Variants in DPP10 observed in about 807,000 individuals in gnomAD.
The protein encoded by DPP10 is dipeptidyl peptidase like 10, also known as inactive dipeptidyl peptidase 10.
Under a neutral mutation model 120.9 loss-of-function variants are expected in DPP10, and 33 were observed. The observed-to-expected ratio is 0.27, with a 90% CI of 0.21 to 0.37. The LOEUF is 0.37. DPP10 is among the 10% of genes least tolerant of loss of function. The pLI, the probability that DPP10 is intolerant of heterozygous loss-of-function variation, is 1.00. For missense variants in DPP10, 816 were observed against 942.8 expected (o/e 0.87, Z 1.76); for synonymous variants, 337 against 326.1 (o/e 1.03, Z -0.36).
At chr2:115,353,429 A>G (rs1559472144) in intron 3 of DPP10, among the ~76,000 whole-genome samples, 1 of 152,154 alleles carries the variant, frequency 6.6e-6, no homozygotes, top group Non-Finnish European at 1.5e-5. Flanking sequence ...ATATTTGATC[A>G]TTTTACTGTA....
chr2:114,717,709 CA>C (rs952050479), intron 1 of DPP10, among the ~76,000 whole-genome samples: 1 of 152,134 alleles, frequency 6.6e-6, no homozygotes, highest in Non-Finnish European at 1.5e-5. Flanking sequence ...ACCTCCCCAC[CA>C]GTACCTCCCT....
intron 5 of DPP10, among the ~76,000 whole-genome samples, chr2:115,619,578 G>C (rs892107047): frequency 1.3e-5 from 2 of 152,076 alleles, no homozygotes; most frequent in African/African-American, 2.4e-5. Flanking sequence ...AGGCCAAGTG[G>C]TTCCCAGCAT....
At chr2:115,372,973 G>T (rs374923799) in intron 3 of DPP10, among the ~76,000 whole-genome samples, 51 of 152,292 alleles carry the variant, frequency 3.3e-4, no homozygotes, top group African/African-American at 1.2e-3. Context: ...TGTTGATGCT[G>T]TCAAGTTATT....
chr2:114,676,865 G>A lies in DPP10; in HGVS notation c.60+234027G>A, dbSNP rs191409861. ...GAGCCCTTATAACTTCCCCATAATT[G>A]AATTCAATTGAAAAATATATTTAAC... On this transcript the variant is annotated intron_variant, in intron 1 of 25. Transcript: ENST00000410059. Among the ~76,000 whole-genome samples, 29 of 151,968 alleles carry A rather than the reference G, an allele frequency of 1.9e-4. No homozygotes were observed. The East Asian group carries it at 5.2e-3, about 27-fold the overall frequency.
chr2:115,056,368 G>A (rs1161876812), intron 1 of DPP10, among the ~76,000 whole-genome samples: 2 of 152,048 alleles, frequency 1.3e-5, no homozygotes, highest in African/African-American at 4.8e-5. Context: ...GTTCTGAATA[G>A]CTTTTTTTTC....
At chr2:115,291,187 G>A (rs1415472081) in intron 1 of DPP10, among the ~76,000 whole-genome samples, 1 of 151,878 alleles carries the variant, frequency 6.6e-6, no homozygotes, top group Admixed American at 6.6e-5. Context: ...ATTTTTTGTA[G>A]AGACAGAGAT....
Position 115,374,550 on chromosome 2 carries a change from G to A in DPP10, c.271+30638G>A, listed in dbSNP as rs193138605. ...AGCTCCACCAGGCAGTGCCCCAGTG[G>A]AGACTGTATGGGTGTTCCAGCCTCA... On this transcript the variant is annotated intron_variant, in intron 3 of 25. Coordinates refer to ENST00000410059, the MANE Select transcript of DPP10 (RefSeq NM_020868.6). Among the ~76,000 whole-genome samples, 337 of 152,342 alleles carry A rather than the reference G, an allele frequency of 2.2e-3. 1 individual carries two copies. The highest frequency in any genetic ancestry group is 7.9e-3 in the South Asian group (38 of 4,830).
chr2:115,382,979 G>C (rs1167925154), intron 3 of DPP10, among the ~76,000 whole-genome samples: 2 of 152,148 alleles, frequency 1.3e-5, no homozygotes, highest in Non-Finnish European at 2.9e-5. Context: ...TTCTGCACAG[G>C]GGGTGCCATA....
At chr2:115,587,482 TGTGTCAGG>T (rs2082371170) in intron 5 of DPP10, among the ~76,000 whole-genome samples, 1 of 152,234 alleles carries the variant, frequency 6.6e-6, no homozygotes, top group African/African-American at 2.4e-5. Context: ...TTTGTCTTTT[TGTGTCAGG>T]CTTATTTCAT....
intron 19 of DPP10, among the ~76,000 whole-genome samples, chr2:115,801,112 G>A (rs1685180537): frequency 6.6e-6 from 1 of 151,848 alleles, no homozygotes; most frequent in African/African-American, 2.4e-5. Context: ...TTATTTCCTT[G>A]AGCAGTGGTT....
intron 5 of DPP10, among the ~76,000 whole-genome samples, chr2:115,643,148 A>G (rs1048918568): frequency 7.2e-5 from 11 of 152,108 alleles, no homozygotes; most frequent in Admixed American, 6.6e-5. Flanking sequence ...AAAAATGCGT[A>G]AGAAGAGCAA....
At chr2:114,897,345 G>A (rs35079637) in intron 1 of DPP10, among the ~76,000 whole-genome samples, 86,201 of 151,882 alleles carry the variant, frequency 0.57, 24,850 homozygotes, top group East Asian at 0.7. Context: ...GGTAGAATTC[G>A]GCTGTGAATC....
intron 5 of DPP10, among the ~76,000 whole-genome samples, chr2:115,666,708 G>A (rs1005203117): frequency 6.6e-6 from 1 of 152,136 alleles, no homozygotes; most frequent in Admixed American, 6.6e-5. Flanking sequence ...GAATAGTGTT[G>A]TGATGAACAG....
chr2:114,871,685 A>G (rs1470899383), intron 1 of DPP10, among the ~76,000 whole-genome samples: 1 of 152,156 alleles, frequency 6.6e-6, no homozygotes, highest in Non-Finnish European at 1.5e-5. Flanking sequence ...TTAGGTTTGG[A>G]AAACTACAAA....
chr2:114,655,425 A>G (rs1696896401), intron 1 of DPP10, among the ~76,000 whole-genome samples: 1 of 152,204 alleles, frequency 6.6e-6, no homozygotes, highest in Non-Finnish European at 1.5e-5. Flanking sequence ...AGCATGAAAG[A>G]GGCAGTTAAG....
chr2:115,380,696 G>C (rs1230722746), intron 3 of DPP10, among the ~76,000 whole-genome samples: 1 of 152,048 alleles, frequency 6.6e-6, no homozygotes, highest in African/African-American at 2.4e-5. Context: ...GGTACCAGTT[G>C]TTCCTTTCCA....
At chr2:115,365,865 A>G (rs948029267) in intron 3 of DPP10, among the ~76,000 whole-genome samples, 16 of 152,114 alleles carry the variant, frequency 1.1e-4, no homozygotes, top group African/African-American at 3.4e-4. Flanking sequence ...TGGGATGACT[A>G]TGGTTTGTCT....
intron 1 of DPP10, among the ~76,000 whole-genome samples, chr2:114,736,066 G>T (rs1400650112): frequency 6.6e-6 from 1 of 151,642 alleles, no homozygotes; most frequent in Non-Finnish European, 1.5e-5. Context: ...TTTCTGTGTA[G>T]GGGGAGGATT....
rs1451523782 is a variant in DPP10 at position 115,667,833 on chromosome 2, A to G, written c.442-21854A>G. On this transcript the variant is annotated intron_variant, in intron 5 of 25. Transcript: ENST00000410059. Reference sequence around the variant, plus strand: ...CTTTTATTTCCTTCTTTCTTATATTATATTATATTCTTTTATTTCATTCTG... The same window carrying G: ...CTTTTATTTCCTTCTTTCTTATATTGTATTATATTCTTTTATTTCATTCTG... 3.3e-5 allele frequency among the ~76,000 whole-genome samples: 5 copies of G among 151,384 alleles called. No homozygotes were observed. In the South Asian group the frequency reaches 8.4e-4, roughly 25 times the overall value.
Sources: gnomAD v4.1 joint callset for allele counts (sites outside exome capture counted in the v4.1 genomes callset) on GRCh38, gnomAD v4.1.1 for gene constraint, MANE v1.5 for transcripts, NCBI Gene and HGNC (gene_info 2026-07-23, HGNC 2026-07-21) for gene names.